PCP4: variants seen among roughly 807,000 people sequenced by gnomAD.
PCP4 encodes calmodulin regulator protein PCP4.
PCP4 carries 8 observed loss-of-function variants against 10.0 expected under a neutral mutation model. The ratio of observed to expected loss-of-function variants is 0.80; its 90% CI spans 0.47 to 1.45. The LOEUF (loss-of-function observed/expected upper bound fraction) is 1.45, where lower values mean the gene tolerates loss of function less well. PCP4 is among the 40% of genes most tolerant of loss of function. PCP4 has a pLI of 0.00. For synonymous variants in PCP4, 21 were observed against 23.0 expected (o/e 0.91, Z 0.24); for missense variants, 54 against 74.4 (o/e 0.73, Z 1.01).
At chr21:39,897,036 A>G (rs2087460028) in intron 1 of PCP4, among the ~76,000 whole-genome samples, 8 of 152,216 alleles carry the variant, frequency 5.3e-5, no homozygotes, top group Admixed American at 2.6e-4. Flanking sequence ...TCTGCCACTC[A>G]TTAGCTGCAT....
In PCP4 at chr21:39,920,079, GGT is replaced by G. The variant is rs760942517; in HGVS notation, c.62-8897_62-8896del. Among the ~76,000 whole-genome samples, 781 of 142,540 alleles carry G rather than the reference GGT, an allele frequency of 5.5e-3. 10 individuals are homozygous for G. The highest frequency in any genetic ancestry group is 0.019 in the African/African-American group (750 of 38,668). 93.5% of individuals were successfully genotyped at this position (142,540 alleles called of 152,430 possible). A position where few individuals can be genotyped will look rare whatever the true frequency, so the allele number is the denominator to read the frequency against. ...GTGTAGGGTGTGTTTGTGTGTGTGT[GGT>G]GTGTGTGATGTGTGTGTGTGTTTGG... On this transcript the variant is annotated intron_variant, in intron 2 of 2. Transcript: ENST00000328619.
chr21:39,910,600 C>T (rs1186431603), intron 2 of PCP4, among the ~76,000 whole-genome samples: 2 of 152,186 alleles, frequency 1.3e-5, no homozygotes, highest in African/African-American at 4.8e-5. Flanking sequence ...TTGAAGGTTC[C>T]TCCCAGGTAA....
chr21:39,899,262 G>T (rs549718037), intron 2 of PCP4, among the ~76,000 whole-genome samples: 2 of 152,228 alleles, frequency 1.3e-5, no homozygotes, highest in South Asian at 4.1e-4. Context: ...ATACCCAGTG[G>T]TATGCACCAA....
intron 2 of PCP4, among the ~76,000 whole-genome samples, chr21:39,920,148 G>A (rs1178883085): frequency 6.8e-6 from 1 of 146,490 alleles, no homozygotes; most frequent in Non-Finnish European, 1.5e-5. Context: ...GTGTGGTGTA[G>A]TGTGTTTGAT....
intron 1 of PCP4, among the ~76,000 whole-genome samples, chr21:39,880,258 G>A (rs1426938877): frequency 6.6e-6 from 1 of 152,120 alleles, no homozygotes; most frequent in Non-Finnish European, 1.5e-5. Flanking sequence ...GAGGTCAGTG[G>A]GTGGAGGGTC....
chr21:39,902,881 A>G (rs894651988), intron 2 of PCP4, among the ~76,000 whole-genome samples: 1 of 152,260 alleles, frequency 6.6e-6, no homozygotes, highest in Non-Finnish European at 1.5e-5. Context: ...AAGAAACAAT[A>G]GCTCATAGCT....
At chr21:39,871,112 C>A (rs2087317612) in intron 1 of PCP4, among the ~76,000 whole-genome samples, 1 of 152,134 alleles carries the variant, frequency 6.6e-6, no homozygotes, top group Non-Finnish European at 1.5e-5. Context: ...TTTTTCTTGA[C>A]AGAGATTGCA....
intron 2 of PCP4, chr21:39,926,118 C>T (rs2087620138): frequency 2.2e-6 from 1 of 455,428 alleles, no homozygotes; most frequent in Non-Finnish European, 4.4e-6. Context: ...ACTCCTCTAA[C>T]AGCATCTGAC....
chr21:39,907,771 T>A (rs142807018), intron 2 of PCP4, among the ~76,000 whole-genome samples: 289 of 151,850 alleles, frequency 1.9e-3, no homozygotes, highest in Non-Finnish European at 3.5e-3. Context: ...CACTCCAGCC[T>A]GGGCAACAGA....
rs769869607 is a variant in PCP4, at chr21:39,867,520, G to A, written c.9+10G>A. The stretch of plus-strand genomic sequence containing the variant: ...AGCCAACATGAGTGAGGTGAGTGAT[G>A]CTTCGACCTGGAGAGGGAAACTTAG... On this transcript the variant is annotated intron_variant, in intron 1 of 2. Coordinates refer to ENST00000328619, the MANE Select transcript of PCP4 (RefSeq NM_006198.3). 9.9e-6 allele frequency: 16 copies of A among 1,613,974 alleles called. No individual in the cohort carries two copies. In the South Asian group the frequency reaches 1.8e-4, roughly 18 times the overall value.
intron 2 of PCP4, among the ~76,000 whole-genome samples, chr21:39,927,326 T>TATCTATC (rs2087628181): frequency 6.0e-5 from 5 of 83,412 alleles, no homozygotes; most frequent in South Asian, 4.6e-4. Context: ...ATCTATCATC[T>TATCTATC]ATCTATCTAT....
At chr21:39,879,064 A>C (rs1182745919) in intron 1 of PCP4, among the ~76,000 whole-genome samples, 1 of 149,708 alleles carries the variant, frequency 6.7e-6, no homozygotes, top group Non-Finnish European at 1.5e-5. Context: ...ATCTTAGCTC[A>C]CTGCAAAGTC....
chr21:39,878,534 A>G (rs1270966894), intron 1 of PCP4, among the ~76,000 whole-genome samples: 1 of 152,184 alleles, frequency 6.6e-6, no homozygotes, highest in African/African-American at 2.4e-5. Flanking sequence ...GGCTCTAGGG[A>G]CTTGTTGCAT....
At chr21:39,898,135 G>T (rs753413597) in intron 1 of PCP4, among the ~76,000 whole-genome samples, 7 of 151,630 alleles carry the variant, frequency 4.6e-5, no homozygotes, top group Admixed American at 6.6e-5. Context: ...ACAAAATGAC[G>T]CATTAACAAT....
In PCP4 at chr21:39,880,622, A is replaced by AC. The variant is rs1161641243; in HGVS notation, c.9+13112_9+13113insC. ...ATCCAGGTGAAAGCATCCGCTGGCC[A>AC]GTTTTGTCCCACGTCTTTTTCTATC... is the stretch of plus-strand genomic sequence containing the variant. On this transcript the variant is annotated intron_variant, in intron 1 of 2. Coordinates refer to ENST00000328619, the MANE Select transcript of PCP4 (RefSeq NM_006198.3). Among the ~76,000 whole-genome samples, 25 of 152,338 alleles carry AC rather than the reference A, an allele frequency of 1.6e-4. 1 individual carries two copies. In the South Asian group the frequency reaches 2.7e-3, roughly 16 times the overall value.
chr21:39,893,855 G>C (rs916799007), intron 1 of PCP4, among the ~76,000 whole-genome samples: 3 of 152,184 alleles, frequency 2.0e-5, no homozygotes, highest in Non-Finnish European at 4.4e-5. Context: ...TAGGGACATT[G>C]CTCTAACATG....
chr21:39,903,888 A>C (rs113856292), intron 2 of PCP4, among the ~76,000 whole-genome samples: 25,236 of 150,500 alleles, frequency 0.17, 2,425 homozygotes, highest in African/African-American at 0.2. Flanking sequence ...AAAAAAAAAA[A>C]AAAAAAAAGA....
intron 1 of PCP4, among the ~76,000 whole-genome samples, chr21:39,896,989 T>C (rs1053612271): frequency 2.6e-5 from 4 of 152,160 alleles, no homozygotes; most frequent in African/African-American, 9.7e-5. Flanking sequence ...ACAGTAGCAA[T>C]TCCTGAGGTC....
At chr21:39,923,072 T>C (rs958025897) in intron 2 of PCP4, among the ~76,000 whole-genome samples, 5 of 152,244 alleles carry the variant, frequency 3.3e-5, no homozygotes, top group African/African-American at 1.2e-4. Context: ...AGAATGTCTA[T>C]GCAGAGTGGG....
Sources: allele counts gnomAD v4.1 joint callset (sites outside exome capture counted in the v4.1 genomes callset), GRCh38; gene constraint gnomAD v4.1.1; transcripts MANE v1.5; gene names NCBI Gene and HGNC (gene_info 2026-07-23, HGNC 2026-07-21).